The following POLR1F variants were observed in gnomAD, a reference collection of about 807,000 sequenced individuals.
POLR1F encodes DNA-directed RNA polymerase I subunit RPA43.
Under a neutral mutation model 21.8 loss-of-function variants are expected in POLR1F, and 23 were observed. That is an observed-to-expected ratio of 1.05 (90% CI 0.76 to 1.49). The LOEUF (loss-of-function observed/expected upper bound fraction) is 1.49. Ranked by LOEUF, POLR1F falls within the 40% of genes most tolerant of loss-of-function variation. The pLI, the probability that POLR1F is intolerant of heterozygous loss-of-function variation, is 0.00. For missense variants in POLR1F, 435 were observed against 412.1 expected, an observed-to-expected ratio of 1.06 and a Z score of -0.48; for synonymous variants, 162 against 152.8, an observed-to-expected ratio of 1.06 and a Z score of -0.45.
chr7:19,699,982 T>C, intron 3 of POLR1F, 90 bp downstream of exon 3: 4 of 1,117,510 alleles, frequency 3.6e-6, no homozygotes, highest in Non-Finnish European at 5.2e-6. Context: ...AGAGGCTTAT[T>C]CTCTTTAAAA....
Position 19,700,252 on chromosome 7 carries a change from T to C in POLR1F, c.425A>G (p.His142Arg). ...ACACCCATGTACTAAACAGCCAATG[T>C]GGCTAGAAGACACTTTATTAACTAT... ...MGIVNKVSSS[H>R]IGCLVHGCFN... The change falls in exon 3 of 4, where the codon CAC (histidine) becomes CGC (arginine). Residue 142 changes from histidine to arginine, a missense_variant. His to Arg is a conservative substitution (Grantham distance 29). Transcript: ENST00000222567. The C allele has an allele frequency of 1.2e-6, 2 of 1,613,774 alleles. No homozygotes were observed. Among genetic ancestry groups the C allele is most frequent in the Non-Finnish European group, 1.7e-6 (2 of 1,179,732 alleles).
At chr7:19,703,634 G>C (rs1783475549) in intron 2 of POLR1F, among the ~76,000 whole-genome samples, 2 of 152,082 alleles carry the variant, frequency 1.3e-5, no homozygotes. Context: ...TCTCACTGTT[G>C]CCTAGGCTGG....
At chr7:19,708,740 G>A (rs373476987) in intron 1 of POLR1F, 23 bp downstream of exon 1, 63 of 1,590,620 alleles carry the variant, frequency 4.0e-5, no homozygotes, top group Non-Finnish European at 5.1e-5. Context: ...CACAAAAGAA[G>A]GAACAGGCAA....
At position 19,698,255 on chromosome 7, in the gene POLR1F, C is replaced by T; in HGVS notation, c.*61G>A. The T allele has an allele frequency of 4.3e-6, 6 of 1,402,590 alleles. No homozygotes were observed. The highest frequency in any genetic ancestry group is 1.9e-6 in the Non-Finnish European group (2 of 1,066,290). The allele number at this position is 1,402,590 out of a possible 1,614,324, so 86.9% of individuals were successfully genotyped here. A position where few individuals can be genotyped will look rare whatever the true frequency, so the allele number is the denominator to read the frequency against. On this transcript the variant is annotated 3_prime_UTR_variant, in exon 4 of 4. Coordinates refer to ENST00000222567, the MANE Select transcript of POLR1F (RefSeq NM_001002926.2). The stretch of plus-strand genomic sequence containing the variant: ...CTTAACCTTTTCATATCACTGAAAA[C>T]ATTTATTCATCTATTGTATGTAGAT...
In POLR1F at chr7:19,698,182, C is replaced by A; in HGVS notation, c.*134G>T. On this transcript the variant is annotated 3_prime_UTR_variant, in exon 4 of 4. Coordinates refer to ENST00000222567, the MANE Select transcript of POLR1F (RefSeq NM_001002926.2). ...GTTTTATCATTTTTAGCATATAAAGCCTCCTACTCCTAGTTAAGTATTTTC... is the reference window on the plus strand; with the variant it reads ...GTTTTATCATTTTTAGCATATAAAGACTCCTACTCCTAGTTAAGTATTTTC... 1 of 700,282 alleles carries A rather than the reference C, an allele frequency of 1.4e-6. No homozygotes were observed. The highest frequency in any genetic ancestry group is 2.1e-6 in the Non-Finnish European group (1 of 477,896). The allele number at this position is 700,282 out of a possible 1,614,324, so 43.4% of individuals were successfully genotyped here. A position where few individuals can be genotyped will look rare whatever the true frequency, so the allele number is the denominator to read the frequency against.
At chr7:19,703,197 A>G (rs368925329) in intron 2 of POLR1F, among the ~76,000 whole-genome samples, 6 of 152,348 alleles carry the variant, frequency 3.9e-5, no homozygotes, top group East Asian at 3.9e-4. Context: ...CATGCTGATC[A>G]AAAGGCGGCA....
chr7:19,705,166 C>T (rs1227817903), intron 1 of POLR1F, among the ~76,000 whole-genome samples: 1 of 152,062 alleles, frequency 6.6e-6, no homozygotes, highest in Non-Finnish European at 1.5e-5. Flanking sequence ...ATATTCTATC[C>T]AAAACTTACA....
intron 2 of POLR1F, among the ~76,000 whole-genome samples, chr7:19,703,423 A>C (rs1197470694): frequency 6.6e-6 from 1 of 152,222 alleles, no homozygotes; most frequent in African/African-American, 2.4e-5. Context: ...ATTTTATTAT[A>C]TGTAAATTTT....
rs557398526 is a variant in POLR1F at position 19,709,019 on chromosome 7, T to C, written c.-3A>G. ...GCCTCTGAGCAACCTGCAGCCATGC[T>C]GCTTGTCAAGGTTCCCACGGCGCGC... On this transcript the variant is annotated 5_prime_UTR_variant, in exon 1 of 4. Transcript: ENST00000222567. 46 of 1,570,126 alleles carry C rather than the reference T, an allele frequency of 2.9e-5. No individual in the cohort carries two copies. In the East Asian group the frequency reaches 7.5e-4, roughly 26 times the overall value.
Position 19,703,870 on chromosome 7 carries a change from A to C in POLR1F, c.396+909T>G, listed in dbSNP as rs567324211. The stretch of plus-strand genomic sequence containing the variant: ...CAGCTTCCCAAAATGCTGTGATTGT[A>C]GGTGTGAGCCACTGTGGCTGGCCTA... On this transcript the variant is annotated intron_variant, in intron 2 of 3. Transcript: ENST00000222567. Among the ~76,000 whole-genome samples the C allele has an allele frequency of 3.3e-5, 5 of 152,330 alleles. No homozygotes were observed. In the East Asian group the frequency reaches 9.6e-4, roughly 29 times the overall value.
At position 19,698,530 on chromosome 7, in the gene POLR1F, T is replaced by C. The variant is rs777002378; in HGVS notation, c.803A>G (p.Asn268Ser). ...CTTTGGCTCCTCCTCCCAGATGCCA[T>C]TCGCATTATTAGTATTCTGCAGGGC... The part of the protein sequence containing the change: ...ESALQNTNNA[N>S]GIWEEEPKKK... The change falls in exon 4 of 4, where the codon AAT becomes AGT. Residue 268 changes from asparagine (N) to serine (S), a missense_variant. Coordinates refer to ENST00000222567, the MANE Select transcript of POLR1F (RefSeq NM_001002926.2). The C allele has an allele frequency of 1.2e-6, 2 of 1,605,540 alleles. No individual in the cohort carries two copies. The highest frequency in any genetic ancestry group is 1.7e-6 in the Non-Finnish European group (2 of 1,177,952).
chr7:19,704,651 AAAT>A (rs1446374918), intron 2 of POLR1F, 125 bp downstream of exon 2: 1 of 894,428 alleles, frequency 1.1e-6, no homozygotes, highest in African/African-American at 1.8e-5. Flanking sequence ...TTTTCCTTAA[AAAT>A]AATATTTATT....
chr7:19,705,814 C>T (rs976116966), intron 1 of POLR1F, among the ~76,000 whole-genome samples: 2 of 152,136 alleles, frequency 1.3e-5, no homozygotes, highest in African/African-American at 4.8e-5. Context: ...CAGCACTGCA[C>T]TCCAGCCTGA....
In POLR1F at chr7:19,697,737, A is replaced by G. The variant is rs1783390371; in HGVS notation, c.*579T>C. 6.6e-6 allele frequency: 1 copy of G among 152,158 alleles called. No homozygotes were observed. Among genetic ancestry groups the G allele is most frequent in the South Asian group, 2.1e-4 (1 of 4,828 alleles). The allele number at this position is 152,158 out of a possible 1,614,324, so 9.4% of individuals were successfully genotyped here. A position where few individuals can be genotyped will look rare whatever the true frequency, so the allele number is the denominator to read the frequency against. On this transcript the variant is annotated 3_prime_UTR_variant, in exon 4 of 4. Coordinates refer to ENST00000222567, the MANE Select transcript of POLR1F (RefSeq NM_001002926.2). ...GAAAGAAAAGAAAATAATGAATAGC[A>G]TTTACCACCACACAGTCAGTACTGG... is the stretch of plus-strand genomic sequence containing the variant.
intron 2 of POLR1F, among the ~76,000 whole-genome samples, chr7:19,700,505 A>G (rs1056520189): frequency 6.6e-6 from 1 of 152,190 alleles, no homozygotes; most frequent in Admixed American, 6.5e-5. Context: ...ACTTTATTAT[A>G]TAAGTAATTG....
At position 19,708,945 on chromosome 7, in the gene POLR1F, G is replaced by A; in HGVS notation, c.72C>T (p.Gly24=). Residue 24 remains glycine, a synonymous_variant, in exon 1 of 4, where the codon GGC becomes GGT. Transcript: ENST00000222567. ...TCGGCAACTCTAGGCAAGGCAGGAC[G>A]CCAGCCTGCCCTACCAGAGACCCAT... ...ASDGSLVGQA[G]VLPCLELPTY... 1.2e-6 allele frequency: 2 copies of A among 1,612,544 alleles called. No homozygotes were observed. The highest frequency in any genetic ancestry group is 1.7e-6 in the Non-Finnish European group (2 of 1,179,680).
At chr7:19,704,586 T>C (rs1252531972) in intron 2 of POLR1F, among the ~76,000 whole-genome samples, 193 bp downstream of exon 2, 1 of 152,232 alleles carries the variant, frequency 6.6e-6, no homozygotes, top group Non-Finnish European at 1.5e-5. Flanking sequence ...TGTGCATGTA[T>C]GTGTTTTAGG....
rs114123370 is a variant in POLR1F at position 19,702,013 on chromosome 7, G to C, written c.397-1733C>G. On this transcript the variant is annotated intron_variant, in intron 2 of 3. Transcript: ENST00000222567. ...TCATCCATCTTTTAGGTCAAGGTCT[G>C]CAGGCAGACCCCCGCAGCTAATGCC... Among the ~76,000 whole-genome samples the C allele has an allele frequency of 5.0e-3, 754 of 152,168 alleles. 6 individuals are homozygous for C. The highest frequency in any genetic ancestry group is 0.018 in the African/African-American group (730 of 41,492).
intron 3 of POLR1F, 96 bp downstream of exon 3, chr7:19,699,976 G>A: frequency 1.9e-6 from 2 of 1,026,524 alleles, no homozygotes; most frequent in Non-Finnish European, 2.9e-6. Context: ...TTTTAGAGAG[G>A]CTTATTCTCT....
Sources: gnomAD v4.1 joint callset for allele counts (sites outside exome capture counted in the v4.1 genomes callset) on GRCh38, gnomAD v4.1.1 for gene constraint, MANE v1.5 for transcripts, NCBI Gene and HGNC (gene_info 2026-07-23, HGNC 2026-07-21) for gene names.